Variants in MIPOL1 observed in about 807,000 individuals in gnomAD.
The protein encoded by MIPOL1 is mirror-image polydactyly gene 1 protein.
Under a neutral mutation model 60.9 loss-of-function variants are expected in MIPOL1, and 57 were observed. That is an observed-to-expected ratio of 0.94 (90% CI 0.76 to 1.17). The LOEUF is 1.17. MIPOL1 is among the 50% of genes most tolerant of loss of function. The pLI is 0.00. For synonymous variants in MIPOL1, 179 were observed against 168.8 expected (o/e 1.06, Z -0.47); for missense variants, 551 against 511.6 (o/e 1.08, Z -0.74).
intron 6 of MIPOL1, among the ~76,000 whole-genome samples, chr14:37,280,901 G>A (rs941535663): frequency 1.3e-5 from 2 of 152,026 alleles, no homozygotes; most frequent in Non-Finnish European, 2.9e-5. Flanking sequence ...CGAGTTCCTT[G>A]TATATTTTTG....
intron 12 of MIPOL1, chr14:37,502,628 A>G (rs2095231501): frequency 6.6e-6 from 1 of 152,222 alleles, no homozygotes. Flanking sequence ...CACCAACATC[A>G]AAGACCAAAG....
chr14:37,282,231 T>C (rs2084164089), intron 6 of MIPOL1, among the ~76,000 whole-genome samples: 1 of 75,900 alleles, frequency 1.3e-5, no homozygotes, highest in Non-Finnish European at 2.5e-5. Flanking sequence ...TGTCTAATAT[T>C]GCAGTAATAT....
At chr14:37,293,116 G>A (rs958742037) in intron 7 of MIPOL1, among the ~76,000 whole-genome samples, 19 of 144,230 alleles carry the variant, frequency 1.3e-4, no homozygotes, top group Non-Finnish European at 1.8e-4. Context: ...AGATTCTTAC[G>A]TAATAAGGCT....
chr14:37,484,481 G>A lies in MIPOL1; in HGVS notation c.1032-15427G>A, dbSNP rs1267642773. ...GTCTCCTGAGTAGCTGGGACTACAG[G>A]AGTGTCCTACCGCGCCCAGCACATT... On this transcript the variant is annotated intron_variant, in intron 11 of 12. Transcript: ENST00000684589. Among the ~76,000 whole-genome samples, 3 of 152,052 alleles carry A rather than the reference G, an allele frequency of 2.0e-5. No homozygotes were observed. The South Asian group carries it at 6.2e-4, about 32-fold the overall frequency.
intron 10 of MIPOL1, among the ~76,000 whole-genome samples, chr14:37,391,422 A>G (rs1299221581): frequency 3.3e-5 from 5 of 149,650 alleles, no homozygotes; most frequent in Non-Finnish European, 5.9e-5. Context: ...TTTGAGATAG[A>G]GTCTCACTCT....
chr14:37,369,613 C>T lies in MIPOL1; in HGVS notation c.925C>T (p.Arg309Cys), dbSNP rs997475491. ...RHLTAENNQE[R>C]ALKAKLLSMQ... Reference sequence around the variant, plus strand: ...TCTGACTGCTGAAAACAATCAAGAACGTGCTCTGAAGGTAAATCTCCGTTC... The same window carrying T: ...TCTGACTGCTGAAAACAATCAAGAATGTGCTCTGAAGGTAAATCTCCGTTC... Residue 309 changes from arginine to cysteine, a missense_variant, in exon 10 of 13, where the codon CGT (arginine) becomes TGT (cysteine). By Grantham distance (180) the Arg-to-Cys change is radical. Coordinates refer to ENST00000684589, the MANE Select transcript of MIPOL1 (RefSeq NM_001388067.1). The T allele has an allele frequency of 7.4e-6, 12 of 1,612,202 alleles. No homozygotes were observed. Among genetic ancestry groups the T allele is most frequent in the Non-Finnish European group, 8.5e-6 (10 of 1,178,806 alleles).
At chr14:37,311,184 C>T (rs1293995011) in intron 9 of MIPOL1, among the ~76,000 whole-genome samples, 1 of 152,150 alleles carries the variant, frequency 6.6e-6, no homozygotes, top group Non-Finnish European at 1.5e-5. Context: ...AGCAACAGCC[C>T]TCTGATACCT....
rs35664979 is a variant in MIPOL1, at chr14:37,512,164, A to AACAC, written c.1262+12042_1262+12045dup. ...TATATCTTTTGAGCACTATTGACCA[A>AACAC]ACACACACACACACACACAGCTGTT... On this transcript the variant is annotated intron_variant, in intron 12 of 12. Transcript: ENST00000684589. Among the ~76,000 whole-genome samples the AACAC allele has an allele frequency of 5.4e-3, 808 of 149,926 alleles. 3 individuals carry two copies. Among genetic ancestry groups the AACAC allele is most frequent in the African/African-American group, 0.015 (594 of 40,868 alleles).
intron 10 of MIPOL1, chr14:37,401,139 A>C (rs1007845775): frequency 6.6e-6 from 1 of 152,146 alleles, no homozygotes; most frequent in Non-Finnish European, 1.5e-5. Context: ...AGGGAGAAAC[A>C]CTAAGAAAAA....
chr14:37,412,176 G>C (rs2093691346), intron 10 of MIPOL1, among the ~76,000 whole-genome samples: 1 of 152,262 alleles, frequency 6.6e-6, no homozygotes, highest in South Asian at 2.1e-4. Flanking sequence ...GTATGTGGAA[G>C]CTCTTTGGAA....
intron 9 of MIPOL1, among the ~76,000 whole-genome samples, chr14:37,357,579 A>G (rs1006588415): frequency 2.0e-5 from 3 of 152,174 alleles, no homozygotes; most frequent in Middle Eastern, 3.4e-3. Flanking sequence ...CTATTCAATT[A>G]TTTGGTCTTT....
At chr14:37,198,917 C>A (rs1964777912) in intron 1 of MIPOL1, among the ~76,000 whole-genome samples, 1 of 152,034 alleles carries the variant, frequency 6.6e-6, no homozygotes, top group Non-Finnish European at 1.5e-5. Flanking sequence ...GTATGGAGTT[C>A]ATCTAAAATG....
intron 11 of MIPOL1, among the ~76,000 whole-genome samples, chr14:37,495,295 C>A (rs1269495876): frequency 2.5e-5 from 3 of 119,072 alleles, no homozygotes; most frequent in East Asian, 2.8e-4. Context: ...CCCACCCCAC[C>A]ACAGTCCCCA....
chr14:37,452,298 A>G (rs1003865026), intron 11 of MIPOL1, among the ~76,000 whole-genome samples: 3 of 152,242 alleles, frequency 2.0e-5, no homozygotes, highest in African/African-American at 7.2e-5. Context: ...AAAATTTAAT[A>G]TAGCAGAAAA....
At chr14:37,207,275 C>T (rs1156792586) in intron 1 of MIPOL1, among the ~76,000 whole-genome samples, 6 of 152,094 alleles carry the variant, frequency 3.9e-5, no homozygotes, top group East Asian at 3.9e-4. Context: ...AGAACCCTTT[C>T]GCTTGGCTTT....
intron 1 of MIPOL1, among the ~76,000 whole-genome samples, chr14:37,211,421 C>T (rs1012352785): frequency 1.3e-5 from 2 of 152,110 alleles, no homozygotes; most frequent in African/African-American, 4.8e-5. Flanking sequence ...AGAGAAAACA[C>T]AACAATTGTG....
chr14:37,546,509 T>C (rs1429335476), intron 12 of MIPOL1, among the ~76,000 whole-genome samples: 1 of 152,306 alleles, frequency 6.6e-6, no homozygotes, highest in East Asian at 1.9e-4. Context: ...GGTGAAACAT[T>C]GCTGATATTT....
At chr14:37,199,930 G>T (rs1026801117) in intron 1 of MIPOL1, among the ~76,000 whole-genome samples, 3 of 152,202 alleles carry the variant, frequency 2.0e-5, no homozygotes, top group African/African-American at 7.2e-5. Context: ...TTCATATTGT[G>T]TCAATTTATA....
intron 10 of MIPOL1, among the ~76,000 whole-genome samples, chr14:37,381,081 T>C (rs117279737): frequency 6.6e-6 from 1 of 152,066 alleles, no homozygotes; most frequent in Non-Finnish European, 1.5e-5. Context: ...GGAGAGGAAT[T>C]TGGGTGGTAG....
Sources: gnomAD v4.1 joint callset for allele counts (sites outside exome capture counted in the v4.1 genomes callset) on GRCh38, gnomAD v4.1.1 for gene constraint, MANE v1.5 for transcripts, NCBI Gene and HGNC (gene_info 2026-07-23, HGNC 2026-07-21) for gene names.